The following SLC35F4 variants were observed in gnomAD, a reference collection of about 807,000 sequenced individuals.
SLC35F4 encodes the protein chromosome 14 open reading frame 36.
A neutral mutation model predicts 44.2 loss-of-function variants in SLC35F4; 24 were observed. The observed-to-expected ratio is 0.54, with a 90% confidence interval of 0.39 to 0.76. SLC35F4 has a LOEUF of 0.76. Among genes scored for constraint, SLC35F4 ranks in the 30% least tolerant of loss-of-function variants. The probability of loss-of-function intolerance (pLI) is 0.00; values close to 1 mark genes in which losing one functional copy is unlikely to be tolerated. For synonymous variants in SLC35F4, 238 were observed against 223.6 expected, an observed-to-expected ratio of 1.06 and a Z score of -0.57; for missense variants, 562 against 586.1, an observed-to-expected ratio of 0.96 and a Z score of 0.42.
At chr14:57,669,093 T>C (rs2074419897) in intron 1 of SLC35F4, among the ~76,000 whole-genome samples, 1 of 152,106 alleles carries the variant, frequency 6.6e-6, no homozygotes, top group Non-Finnish European at 1.5e-5. Flanking sequence ...TTTGAAGCAA[T>C]TGTGAATGGG....
intron 1 of SLC35F4, among the ~76,000 whole-genome samples, chr14:57,714,180 T>C (rs998939303): frequency 2.6e-5 from 4 of 152,144 alleles, no homozygotes; most frequent in Non-Finnish European, 4.4e-5. Flanking sequence ...CAACTTACTT[T>C]CTAAAAATCA....
intron 3 of SLC35F4, among the ~76,000 whole-genome samples, chr14:57,588,563 T>C (rs12896635): frequency 0.32 from 47,846 of 151,798 alleles, 7,593 homozygotes; most frequent in Middle Eastern, 0.37. Context: ...AAGCCAGATT[T>C]AGTACAGAAC....
In SLC35F4 at chr14:57,569,788, C is replaced by T; in HGVS notation, c.1126G>A (p.Ala376Thr). Residue 376 changes from alanine to threonine, a missense_variant and splice_region_variant, in exon 6 of 8, where the codon GCC becomes ACC. By Grantham distance (58) the Ala-to-Thr change is moderately conservative. Transcript: ENST00000556826. The stretch of plus-strand genomic sequence containing the variant: ...GAAGGCAAAACCCGAGGCCACTTAC[C>T]CAGCCACAGCCCTGCCATCCCACAG... ...CLCGMAGLWL[A>T]FNILVNVGVV... The T allele has an allele frequency of 1.3e-6, 2 of 1,586,922 alleles. No homozygotes were observed. The highest frequency in any genetic ancestry group is 1.7e-6 in the Non-Finnish European group (2 of 1,170,096).
intron 1 of SLC35F4, among the ~76,000 whole-genome samples, chr14:57,911,437 T>A (rs1395196845): frequency 1.3e-5 from 2 of 152,020 alleles, no homozygotes; most frequent in Non-Finnish European, 2.9e-5. Flanking sequence ...TAGATGTTCT[T>A]TATCAAGTTG....
chr14:57,922,321 A>T (rs144190048), intron 1 of SLC35F4, among the ~76,000 whole-genome samples: 78 of 152,314 alleles, frequency 5.1e-4, no homozygotes, highest in African/African-American at 1.7e-3. Context: ...CCAGGAATTC[A>T]TATCACTACT....
intron 1 of SLC35F4, among the ~76,000 whole-genome samples, chr14:57,755,893 G>A (rs1367593368): frequency 6.6e-6 from 1 of 152,176 alleles, no homozygotes; most frequent in Non-Finnish European, 1.5e-5. Flanking sequence ...CAGCCTCGGA[G>A]GCCAGGCTAG....
intron 1 of SLC35F4, among the ~76,000 whole-genome samples, chr14:57,793,254 T>A (rs987065159): frequency 2.0e-5 from 3 of 152,088 alleles, no homozygotes; most frequent in Non-Finnish European, 4.4e-5. Flanking sequence ...ACTTTTATTT[T>A]TTTTTTTTCA....
chr14:57,929,799 C>A lies in SLC35F4; in HGVS notation n.282+52114G>T, dbSNP rs139874956. ...AAGATACACATCAAATGAATGAAAA[C>A]TCCCCTCAGTCAGCATAGGGCTGAA... On this transcript the variant is annotated intron_variant and non_coding_transcript_variant, in intron 1 of 1. Transcript: ENST00000556568. 3.6e-3 allele frequency among the ~76,000 whole-genome samples: 549 copies of A among 152,318 alleles called. 3 individuals carry two copies. Among genetic ancestry groups the A allele is most frequent in the African/African-American group, 0.013 (529 of 41,580 alleles).
chr14:57,664,762 G>A (rs1392507078), intron 1 of SLC35F4, among the ~76,000 whole-genome samples: 4 of 152,166 alleles, frequency 2.6e-5, no homozygotes, highest in South Asian at 2.1e-4. Context: ...TCATGCTTCC[G>A]TCCATGAGTG....
chr14:57,807,944 C>T (rs923287247), intron 1 of SLC35F4, among the ~76,000 whole-genome samples: 1 of 151,660 alleles, frequency 6.6e-6, no homozygotes, highest in African/African-American at 2.4e-5. Flanking sequence ...TACATGGTGG[C>T]AGGCAAGAGA....
At chr14:57,867,710 CAT>C (rs1352999234), upstream of SLC35F4, among the ~76,000 whole-genome samples, 1 of 151,732 alleles carries the variant, frequency 6.6e-6, no homozygotes, top group Non-Finnish European at 1.5e-5. Context: ...GTGTTCATCA[CAT>C]ATAATTTTAA....
chr14:57,569,336 C>T (rs529080631), intron 6 of SLC35F4, among the ~76,000 whole-genome samples: 1 of 152,318 alleles, frequency 6.6e-6, no homozygotes, highest in East Asian at 1.9e-4. Flanking sequence ...CTGCTTCCCT[C>T]TTAAATAGCA....
rs1594930954 is a variant in SLC35F4 at position 57,581,198 on chromosome 14, T to C, written c.807+16A>G. On this transcript the variant is annotated intron_variant, in intron 4 of 7. Coordinates refer to ENST00000556826, the MANE Select transcript of SLC35F4 (RefSeq NM_001306087.2). ...AAAAAGGCAGGCATCGCGCATTGAA[T>C]CAAGTATGCCATTACCCTCACTCCC... The C allele has an allele frequency of 1.3e-6, 2 of 1,504,678 alleles. No individual in the cohort carries two copies. The highest frequency in any genetic ancestry group is 2.8e-5 in the African/African-American group (2 of 70,972). The allele number at this position is 1,504,678 out of a possible 1,614,324, so 93.2% of individuals were successfully genotyped here. A position where few individuals can be genotyped will look rare whatever the true frequency, so the allele number is the denominator to read the frequency against.
Position 57,598,823 on chromosome 14 carries a change from C to T in SLC35F4, c.104-4699G>A, listed in dbSNP as rs570425990. Among the ~76,000 whole-genome samples the T allele has an allele frequency of 2.6e-5, 4 of 152,172 alleles. No homozygotes were observed. In the East Asian group the frequency reaches 5.8e-4, roughly 22 times the overall value. ...AAACACCGCTATATAGATCTGGTGC[C>T]TAAACCTAAAGGTAGAAATCATGAA... On this transcript the variant is annotated intron_variant, in intron 1 of 7. Coordinates refer to ENST00000556826, the MANE Select transcript of SLC35F4 (RefSeq NM_001306087.2).
intron 1 of SLC35F4, among the ~76,000 whole-genome samples, chr14:57,840,007 T>C (rs1430171068): frequency 6.6e-6 from 1 of 152,168 alleles, no homozygotes; most frequent in Admixed American, 6.6e-5. Context: ...ATAATGACAC[T>C]AATAATAATA....
chr14:57,580,905 C>G, intron 4 of SLC35F4: 1 of 222,974 alleles, frequency 4.5e-6, no homozygotes, highest in Non-Finnish European at 8.8e-6. Flanking sequence ...CCCTTCGTTC[C>G]TGAGGACAGA....
At chr14:57,821,355 A>T (rs1241071907) in intron 1 of SLC35F4, among the ~76,000 whole-genome samples, 2 of 152,228 alleles carry the variant, frequency 1.3e-5, no homozygotes, top group Non-Finnish European at 2.9e-5. Flanking sequence ...AATAATGATT[A>T]CAGCTTCATG....
intron 1 of SLC35F4, among the ~76,000 whole-genome samples, chr14:57,830,618 T>A (rs76182805): frequency 0.06 from 9,114 of 152,254 alleles, 388 homozygotes; most frequent in Middle Eastern, 0.12. Flanking sequence ...AATCTCATAA[T>A]TAAATGAGCC....
At chr14:57,907,232 G>A (rs1889118007) in intron 1 of SLC35F4, among the ~76,000 whole-genome samples, 1 of 152,154 alleles carries the variant, frequency 6.6e-6, no homozygotes, top group African/African-American at 2.4e-5. Context: ...ATTTTTTAAA[G>A]TATGCACTTT....
Sources: allele counts gnomAD v4.1 joint callset (sites outside exome capture counted in the v4.1 genomes callset), GRCh38; gene constraint gnomAD v4.1.1; transcripts MANE v1.5; gene names NCBI Gene and HGNC (gene_info 2026-07-23, HGNC 2026-07-21).